Variants in RBFOX1 observed in about 807,000 individuals in gnomAD.
The protein encoded by RBFOX1 is RNA binding fox-1 homolog 1.
Under a neutral mutation model 57.7 loss-of-function variants are expected in RBFOX1, and 8 were observed. That is an observed-to-expected ratio of 0.14 (90% CI 0.08 to 0.25). RBFOX1 has a LOEUF of 0.25. Among genes scored for constraint, RBFOX1 ranks in the 10% least tolerant of loss-of-function variants. The probability of loss-of-function intolerance (pLI) is 1.00; values close to 1 mark genes in which losing one functional copy is unlikely to be tolerated. For synonymous variants in RBFOX1, 326 were observed against 222.4 expected, an observed-to-expected ratio of 1.47 and a Z score of -4.15; for missense variants, 611 against 548.5, an observed-to-expected ratio of 1.11 and a Z score of -1.14.
chr16:7,528,388 A>G (rs1386072265), intron 5 of RBFOX1, among the ~76,000 whole-genome samples: 7 of 152,220 alleles, frequency 4.6e-5, no homozygotes, highest in African/African-American at 4.8e-5. Context: ...TCTGTAGCTC[A>G]TAGAGACTGC....
intron 4 of RBFOX1, among the ~76,000 whole-genome samples, chr16:7,280,013 A>T (rs748320821): frequency 7.9e-5 from 12 of 152,184 alleles, no homozygotes; most frequent in African/African-American, 1.2e-4. Context: ...GGCCAGCGCC[A>T]CATCACCTGC....
At chr16:5,332,257 C>CTTTATTTTATTTTAT (rs146069773) in intron 1 of RBFOX1, among the ~76,000 whole-genome samples, 8 of 151,580 alleles carry the variant, frequency 5.3e-5, no homozygotes, top group Non-Finnish European at 7.4e-5. Context: ...TCAAAGGAAA[C>CTTTATTTTATTTTAT]TTTATTTTAT....
chr16:6,804,112 T>C (rs1315387078), intron 3 of RBFOX1, among the ~76,000 whole-genome samples: 2 of 152,062 alleles, frequency 1.3e-5, no homozygotes, highest in African/African-American at 4.8e-5. Flanking sequence ...GTTCAAGTGA[T>C]TCTCCTTGCC....
chr16:7,146,383 T>G (rs1368391081), intron 4 of RBFOX1, among the ~76,000 whole-genome samples: 2 of 152,196 alleles, frequency 1.3e-5, no homozygotes, highest in Non-Finnish European at 2.9e-5. Context: ...AATTGTCTCA[T>G]CAGTATACTT....
chr16:6,948,055 A>C (rs1250643788), intron 3 of RBFOX1, among the ~76,000 whole-genome samples: 3 of 152,132 alleles, frequency 2.0e-5, no homozygotes, highest in African/African-American at 4.8e-5. Context: ...TTGGGATTAC[A>C]AGCATCAGCC....
intron 1 of RBFOX1, among the ~76,000 whole-genome samples, chr16:6,157,734 T>G (rs893621399): frequency 6.6e-6 from 1 of 152,136 alleles, no homozygotes; most frequent in African/African-American, 2.4e-5. Flanking sequence ...GATGCAAAAT[T>G]GAATGTATAG....
chr16:5,326,282 C>G (rs774681397), intron 1 of RBFOX1, among the ~76,000 whole-genome samples: 1 of 152,166 alleles, frequency 6.6e-6, no homozygotes, highest in Non-Finnish European at 1.5e-5. Context: ...AAACTAACAG[C>G]TTTCGGATGT....
At chr16:7,025,293 G>A (rs2040554533) in intron 3 of RBFOX1, among the ~76,000 whole-genome samples, 1 of 152,124 alleles carries the variant, frequency 6.6e-6, no homozygotes, top group Non-Finnish European at 1.5e-5. Context: ...TGGCGCTCGT[G>A]AGTATAGCAG....
At chr16:5,619,335 A>G (rs1349925520) in intron 3 of RBFOX1, among the ~76,000 whole-genome samples, 1 of 152,114 alleles carries the variant, frequency 6.6e-6, no homozygotes, top group East Asian at 1.9e-4. Context: ...TCCTTGGCAG[A>G]TAGTGCCCAG....
chr16:5,657,360 T>A (rs1295966872), intron 3 of RBFOX1, among the ~76,000 whole-genome samples: 1 of 152,242 alleles, frequency 6.6e-6, no homozygotes, highest in Non-Finnish European at 1.5e-5. Flanking sequence ...ATCCACATTA[T>A]AAGACAGTAT....
At chr16:5,430,814 C>T (rs2067710032) in intron 1 of RBFOX1, among the ~76,000 whole-genome samples, 1 of 152,184 alleles carries the variant, frequency 6.6e-6, no homozygotes, top group South Asian at 2.1e-4. Context: ...GTCTTTACTG[C>T]CCTGAGAAAC....
intron 3 of RBFOX1, among the ~76,000 whole-genome samples, chr16:5,840,098 C>G (rs146439116): frequency 2.6e-5 from 4 of 152,180 alleles, no homozygotes; most frequent in Non-Finnish European, 2.9e-5. Context: ...CATGAACACC[C>G]TCTTCCTCAA....
chr16:6,743,731 C>T (rs913562123), intron 3 of RBFOX1, among the ~76,000 whole-genome samples: 1 of 151,348 alleles, frequency 6.6e-6, no homozygotes, highest in Non-Finnish European at 1.5e-5. Context: ...CTCCACTGCA[C>T]TCAGGGCAAA....
intron 1 of RBFOX1, among the ~76,000 whole-genome samples, chr16:6,292,318 CTGGTGGAACTACCACCAATGGCTTCTCAT>C (rs1398085194): frequency 6.6e-6 from 1 of 150,802 alleles, no homozygotes; most frequent in Non-Finnish European, 1.5e-5. Context: ...ATCCAACTGT[CTGGTGGAACTACCACCAATGGCTTCTCAT>C]TGGTGGAAAC....
At chr16:7,093,518 C>T (rs535481599) in intron 4 of RBFOX1, among the ~76,000 whole-genome samples, 2 of 152,124 alleles carry the variant, frequency 1.3e-5, no homozygotes, top group Non-Finnish European at 2.9e-5. Flanking sequence ...GTCAGAGGTA[C>T]CCACTTATCC....
intron 2 of RBFOX1, among the ~76,000 whole-genome samples, chr16:6,616,880 T>C (rs530648499): frequency 6.6e-6 from 1 of 152,360 alleles, no homozygotes; most frequent in African/African-American, 2.4e-5. Context: ...TGTCTGTTTA[T>C]GTAAATTAAG....
At chr16:5,246,097 C>T (rs1471302690) in intron 1 of RBFOX1, among the ~76,000 whole-genome samples, 1 of 152,076 alleles carries the variant, frequency 6.6e-6, no homozygotes, top group African/African-American at 2.4e-5. Flanking sequence ...CAAAAATTAG[C>T]CAGGTGTGAT....
chr16:5,667,145 T>C (rs190271497), intron 3 of RBFOX1, among the ~76,000 whole-genome samples: 1 of 152,316 alleles, frequency 6.6e-6, no homozygotes, highest in East Asian at 1.9e-4. Flanking sequence ...CCCCAGTGTT[T>C]TTGTTGTTGC....
At chr16:7,033,050 C>T (rs1243440783) in intron 3 of RBFOX1, among the ~76,000 whole-genome samples, 7 of 152,140 alleles carry the variant, frequency 4.6e-5, no homozygotes, top group Admixed American at 4.6e-4. Context: ...TGTCCACTAG[C>T]CCTGTCTTCA....
Sources: allele counts gnomAD v4.1 joint callset (sites outside exome capture counted in the v4.1 genomes callset), GRCh38; gene constraint gnomAD v4.1.1; transcripts MANE v1.5; gene names NCBI Gene and HGNC (gene_info 2026-07-23, HGNC 2026-07-21).